DAPK1: variants seen among roughly 807,000 people sequenced by gnomAD.
DAPK1 encodes the protein death-associated protein kinase 1.
Under a neutral mutation model 144.9 loss-of-function variants are expected in DAPK1, and 56 were observed. The observed-to-expected ratio is 0.39, with a 90% CI of 0.31 to 0.48. The LOEUF (loss-of-function observed/expected upper bound fraction) is 0.48. DAPK1 is among the 20% of genes least tolerant of loss of function. The pLI is 0.95. For synonymous variants in DAPK1, 690 were observed against 749.0 expected, an observed-to-expected ratio of 0.92 and a Z score of 1.29; for missense variants, 1,454 against 1,875.4, an observed-to-expected ratio of 0.78 and a Z score of 4.15.
chr9:87,561,510 A>T (rs1005287821), intron 2 of DAPK1, among the ~76,000 whole-genome samples: 1 of 148,102 alleles, frequency 6.8e-6, no homozygotes, highest in Non-Finnish European at 1.5e-5. Context: ...TGGGCGACAG[A>T]GCGAGACTCC....
chr9:87,688,640 A>G (rs568790998), intron 21 of DAPK1, among the ~76,000 whole-genome samples: 49 of 152,114 alleles, frequency 3.2e-4, no homozygotes, highest in African/African-American at 1.2e-3. Context: ...TTGGTGTGAA[A>G]TGGTATCTCA....
At position 87,706,749 on chromosome 9, in the gene DAPK1, G is replaced by A. The variant is rs202069940; in HGVS notation, c.3678G>A (p.Thr1226=). 15 of 1,613,326 alleles carry A rather than the reference G, an allele frequency of 9.3e-6. No individual in the cohort carries two copies. Among genetic ancestry groups the A allele is most frequent in the African/African-American group, 6.7e-5 (5 of 75,042 alleles). ...CCATTGAGAACGTCATGGCCACCACGCTGCCAGGGCTCCTGACCGTGAAGC... is the reference window on the plus strand; with the variant it reads ...CCATTGAGAACGTCATGGCCACCACACTGCCAGGGCTCCTGACCGTGAAGC... The part of the protein sequence containing the change: ...CSTIENVMAT[T]LPGLLTVKHY... The change falls in exon 26 of 26, where the codon ACG becomes ACA. Residue 1226 remains threonine, a synonymous_variant. Coordinates refer to ENST00000408954, the MANE Select transcript of DAPK1 (RefSeq NM_004938.4). The surrounding 1 kb of genome is among the most constrained non-coding windows in gnomAD (Gnocchi z 9.0).
At chr9:87,498,675 AG>A (rs1564110720) in intron 1 of DAPK1, 3 of 385,430 alleles carry the variant, frequency 7.8e-6, no homozygotes, top group South Asian at 2.5e-4. Context: ...GAGAAAGGGG[AG>A]GCGGGGAGGC....
chr9:87,640,855 G>C lies in DAPK1; in HGVS notation c.828+8G>C, dbSNP rs1266085282. ...CAGCATCCCTGGATCAAGGTGAGTT[G>C]CATATTACGAAACTGTTTAGATCAC... On this transcript the variant is annotated splice_region_variant and intron_variant, in intron 9 of 25. Coordinates refer to ENST00000408954, the MANE Select transcript of DAPK1 (RefSeq NM_004938.4). The C allele has an allele frequency of 6.2e-7, 1 of 1,613,782 alleles. No individual in the cohort carries two copies. The highest frequency in any genetic ancestry group is 1.1e-5 in the South Asian group (1 of 91,064).
At chr9:87,702,680 A>G (rs1825495975) in intron 24 of DAPK1, among the ~76,000 whole-genome samples, 1 of 152,186 alleles carries the variant, frequency 6.6e-6, no homozygotes, top group Non-Finnish European at 1.5e-5. Flanking sequence ...ATAAAACTTT[A>G]TATTTGAGCA....
At chr9:87,648,642 G>T in intron 14 of DAPK1, 139 bp from the exon 15 acceptor site, 3 of 688,454 alleles carry the variant, frequency 4.4e-6, no homozygotes, top group Non-Finnish European at 7.7e-6. Flanking sequence ...CCACTATAGG[G>T]GCATCTGCCC....
chr9:87,664,739 G>A (rs908766253), intron 18 of DAPK1, among the ~76,000 whole-genome samples: 2 of 152,176 alleles, frequency 1.3e-5, no homozygotes, highest in South Asian at 2.1e-4. Context: ...GCAGCCGCCT[G>A]GTCAGACGTA....
At chr9:87,626,896 T>A (rs1225678170) in intron 3 of DAPK1, among the ~76,000 whole-genome samples, 1 of 152,140 alleles carries the variant, frequency 6.6e-6, no homozygotes. Flanking sequence ...ATATAAAAAG[T>A]TCCGGAGGGC....
intron 2 of DAPK1, among the ~76,000 whole-genome samples, chr9:87,582,804 C>T (rs371818623): frequency 1.1e-4 from 16 of 152,148 alleles, no homozygotes; most frequent in East Asian, 9.7e-4. Flanking sequence ...CCCCCCACCT[C>T]GGCCTCCCAA....
At position 87,686,677 on chromosome 9, in the gene DAPK1, C is replaced by T. The variant is rs199578559; in HGVS notation, c.2351C>T (p.Pro784Leu). ...GTGTTTGTGGCCCCGACCCACCACCCGCACTGCTCGGCCGATGACCAGTCC... is the reference window on the plus strand; with the variant it reads ...GTGTTTGTGGCCCCGACCCACCACCTGCACTGCTCGGCCGATGACCAGTCC... Reference protein sequence around the residue: ...LEVFVAPTHHPHCSADDQSTK... With the variant: ...LEVFVAPTHHLHCSADDQSTK... The change falls in exon 21 of 26, where the codon CCG (proline) becomes CTG (leucine). Residue 784 changes from proline to leucine, a missense_variant. Physicochemically the swap from Pro to Leu is moderately conservative, Grantham distance 98. Coordinates refer to ENST00000408954, the MANE Select transcript of DAPK1 (RefSeq NM_004938.4). The surrounding 1 kb of genome is among the most constrained non-coding windows in gnomAD (Gnocchi z 4.2). 1.1e-5 allele frequency: 18 copies of T among 1,612,886 alleles called. No individual in the cohort carries two copies. Among genetic ancestry groups the T allele is most frequent in the East Asian group, 6.7e-5 (3 of 44,876 alleles).
intron 19 of DAPK1, 66 bp from the exon 20 acceptor site, chr9:87,681,338 G>A: frequency 2.4e-6 from 2 of 849,230 alleles, no homozygotes; most frequent in South Asian, 1.5e-5. Flanking sequence ...CGGGGATTAG[G>A]AATCTTGAGA....
intron 2 of DAPK1, among the ~76,000 whole-genome samples, chr9:87,574,117 AAG>A (rs1827461054): frequency 6.6e-6 from 1 of 152,170 alleles, no homozygotes; most frequent in African/African-American, 2.4e-5. Context: ...AAGAAGAAAG[AAG>A]AGAGAAAGAA....
At chr9:87,531,723 C>T (rs887438046) in intron 2 of DAPK1, among the ~76,000 whole-genome samples, 22 of 152,304 alleles carry the variant, frequency 1.4e-4, no homozygotes, top group African/African-American at 3.8e-4. Context: ...GCTTAAAAAG[C>T]TGGTTGCCTG....
intron 18 of DAPK1, chr9:87,667,713 A>T (rs1400366352): frequency 5.4e-5 from 3 of 55,836 alleles, no homozygotes; most frequent in Admixed American, 1.6e-4. Context: ...CTTTTTTATT[A>T]AAAAAAAACA....
chr9:87,626,921 G>A (rs190647326), intron 3 of DAPK1, among the ~76,000 whole-genome samples: 18 of 152,224 alleles, frequency 1.2e-4, no homozygotes, highest in Admixed American at 6.5e-4. Context: ...CACCATACTC[G>A]TGATAGTGCA....
intron 2 of DAPK1, among the ~76,000 whole-genome samples, chr9:87,603,853 T>G (rs1180196359): frequency 6.6e-6 from 1 of 152,170 alleles, no homozygotes; most frequent in East Asian, 1.9e-4. Context: ...TACCCCTTAT[T>G]ATTTTGAGTC....
At chr9:87,503,314 G>T (rs1432636435) in intron 2 of DAPK1, among the ~76,000 whole-genome samples, 1 of 151,864 alleles carries the variant, frequency 6.6e-6, no homozygotes. Flanking sequence ...TCCCAGGCTG[G>T]AGTGCAGTGG....
intron 2 of DAPK1, among the ~76,000 whole-genome samples, chr9:87,537,540 A>G (rs924326211): frequency 3.3e-5 from 5 of 152,052 alleles, no homozygotes; most frequent in South Asian, 4.2e-4. Context: ...ATGTGTGTGT[A>G]TGTGGAATAT....
At position 87,560,957 on chromosome 9, in the gene DAPK1, C is replaced by T. The variant is rs1436680219; in HGVS notation, c.63-43997C>T. Among the ~76,000 whole-genome samples, 5 of 152,230 alleles carry T rather than the reference C, an allele frequency of 3.3e-5. No homozygotes were observed. The East Asian group carries it at 5.8e-4, about 18-fold the overall frequency. ...TTGGGATTACCAGTGTGAGCCACCG[C>T]GCCTGGCTAGGATGTGCTTCCTTTT... On this transcript the variant is annotated intron_variant, in intron 2 of 25. Coordinates refer to ENST00000408954, the MANE Select transcript of DAPK1 (RefSeq NM_004938.4).
Sources: allele counts gnomAD v4.1 joint callset (sites outside exome capture counted in the v4.1 genomes callset), GRCh38; gene constraint gnomAD v4.1.1; non-coding constraint Gnocchi (gnomAD v3.1); transcripts MANE v1.5; gene names NCBI Gene and HGNC (gene_info 2026-07-23, HGNC 2026-07-21).